Variants in SQLE observed in about 807,000 individuals in gnomAD.
The protein encoded by SQLE is squalene monooxygenase.
SQLE carries 29 observed loss-of-function variants against 60.7 expected under a neutral mutation model. The observed-to-expected ratio is 0.48, with a 90% CI of 0.36 to 0.65. The LOEUF is 0.65. Among genes scored for constraint, SQLE ranks in the 30% least tolerant of loss-of-function variants. The pLI is 0.00. For missense variants in SQLE, 605 were observed against 684.1 expected, an observed-to-expected ratio of 0.88 and a Z score of 1.29; for synonymous variants, 237 against 246.8, an observed-to-expected ratio of 0.96 and a Z score of 0.37.
intron 2 of SQLE, 150 bp from the exon 3 acceptor site, chr8:125,005,375 C>A: frequency 1.8e-6 from 1 of 565,858 alleles, no homozygotes; most frequent in Non-Finnish European, 2.8e-6. Flanking sequence ...GAAGCATTCA[C>A]AGTTTCTGAA....
Position 125,016,165 on chromosome 8 carries a change from TTC to T in SQLE, c.1205-1890_1205-1889del, listed in dbSNP as rs1815108907. On this transcript the variant is annotated intron_variant, in intron 7 of 10. Transcript: ENST00000265896. This position sits in a 1 kb window ranked among gnomAD's most constrained non-coding sequence, Gnocchi z 4.1. ...GATATCTTTCTCTAGATTTGGGAAG[TTC>T]TCTGTTATTTTTTCTTCAAATAAAC... Among the ~76,000 whole-genome samples the T allele has an allele frequency of 1.3e-5, 2 of 151,058 alleles. No individual in the cohort carries two copies. The highest frequency in any genetic ancestry group is 4.9e-5 in the African/African-American group (2 of 40,700).
Position 124,999,550 on chromosome 8 carries a change from A to G in SQLE, c.147A>G (p.Arg49=), listed in dbSNP as rs1814806817. 1 of 1,613,128 alleles carries G rather than the reference A, an allele frequency of 6.2e-7. No homozygotes were observed. Among genetic ancestry groups the G allele is most frequent in the African/African-American group, 1.3e-5 (1 of 74,886 alleles). The change falls in exon 1 of 11, where the codon CGA becomes CGG. Residue 49 remains arginine, a synonymous_variant. Transcript: ENST00000265896. ...GLVLSYRCRH[R]NGGLLGRQQS... is the part of the protein sequence containing the mutation. ...TGCTCTCCTACCGCTGTCGCCACCG[A>G]AACGGGGGTCTCCTCGGGCGCCAGC... is the stretch of plus-strand genomic sequence containing the variant.
chr8:125,011,819 T>C (rs1390862262), intron 7 of SQLE, among the ~76,000 whole-genome samples, 187 bp downstream of exon 7: 1 of 113,498 alleles, frequency 8.8e-6, no homozygotes, highest in African/African-American at 3.7e-5. Flanking sequence ...ACAAGTATTG[T>C]GCTAGTCAGG....
intron 3 of SQLE, 30 bp downstream of exon 3, chr8:125,005,735 C>A: frequency 1.3e-6 from 2 of 1,484,984 alleles, no homozygotes; most frequent in Non-Finnish European, 9.0e-7. Context: ...TATATAATTA[C>A]TAAAGAATCA....
rs185673426 is a variant in SQLE, at chr8:124,998,751, T to G, written c.-653T>G. 137 of 545,874 alleles carry G rather than the reference T, an allele frequency of 2.5e-4. No homozygotes were observed. The East Asian group carries it at 4.7e-3, about 19-fold the overall frequency. 33.8% of individuals were successfully genotyped at this position (545,874 alleles called of 1,614,324 possible). The stretch of plus-strand genomic sequence containing the variant: ...TCTAAATCTTTAGGTTGGGGCTGCA[T>G]TGCCCTGGAGCCGCACTCTTGAGTC... On this transcript the variant is annotated 5_prime_UTR_variant, in exon 1 of 11. Transcript: ENST00000265896.
rs1395527865 is a variant in SQLE, at chr8:124,999,535, C to T, written c.132C>T (p.Tyr44=). The T allele has an allele frequency of 1.9e-6, 3 of 1,612,926 alleles. No individual in the cohort carries two copies. The highest frequency in any genetic ancestry group is 3.3e-5 in the Admixed American group (2 of 59,794). The part of the protein sequence containing the change: ...VFLSLGLVLS[Y]RCRHRNGGLL... The stretch of plus-strand genomic sequence containing the variant: ...TCTCGCTGGGCCTGGTGCTCTCCTA[C>T]CGCTGTCGCCACCGAAACGGGGGTC... The change falls in exon 1 of 11, where the codon TAC becomes TAT. Residue 44 remains tyrosine, a synonymous_variant. Transcript: ENST00000265896.
chr8:125,018,194 T>C lies in SQLE; in HGVS notation c.1340T>C (p.Ile447Thr). Residue 447 changes from isoleucine (I) to threonine (T), a missense_variant, in exon 8 of 11, where the codon ATT becomes ACT. Coordinates refer to ENST00000265896, the MANE Select transcript of SQLE (RefSeq NM_003129.4). Reference sequence around the variant, plus strand: ...CCTGACCTTTATGATGATGCAGCTATTTTCGAGGTAAGATCAATTATTTTG... The same window carrying C: ...CCTGACCTTTATGATGATGCAGCTACTTTCGAGGTAAGATCAATTATTTTG... ...GIPDLYDDAAIFEAKKSFYWA... is the reference protein window; with the variant it reads ...GIPDLYDDAATFEAKKSFYWA... 1.2e-6 allele frequency: 2 copies of C among 1,607,050 alleles called. 1 individual carries two copies. The highest frequency in any genetic ancestry group is 2.2e-5 in the South Asian group (2 of 89,402).
At chr8:125,004,452 T>G (rs1243558382) in intron 2 of SQLE, among the ~76,000 whole-genome samples, 1 of 152,114 alleles carries the variant, frequency 6.6e-6, no homozygotes, top group South Asian at 2.1e-4. Context: ...TATTGTTATA[T>G]TTTCTAAAAT....
intron 6 of SQLE, among the ~76,000 whole-genome samples, chr8:125,009,876 A>G (rs948700664): frequency 6.6e-5 from 10 of 152,060 alleles, no homozygotes; most frequent in Admixed American, 2.6e-4. Flanking sequence ...CATATATGGT[A>G]TTTTTAAAGG....
intron 1 of SQLE, chr8:125,000,075 A>G (rs780063352): frequency 6.4e-6 from 3 of 466,316 alleles, no homozygotes; most frequent in Non-Finnish European, 1.3e-5. Context: ...GCTGCGGGTA[A>G]GTCCACTGCT....
intron 4 of SQLE, 106 bp from the exon 5 acceptor site, chr8:125,008,865 C>G (rs942563121): frequency 8.2e-6 from 6 of 730,332 alleles, no homozygotes; most frequent in African/African-American, 1.8e-5. Context: ...CTCTATAATG[C>G]TATCTGATAA....
intron 6 of SQLE, 81 bp from the exon 7 acceptor site, chr8:125,011,456 T>C: frequency 1.7e-6 from 2 of 1,160,452 alleles, no homozygotes; most frequent in South Asian, 2.8e-5. Flanking sequence ...GGCATTTGTT[T>C]ATACTTGATA....
chr8:125,018,323 G>C, intron 8 of SQLE, 122 bp downstream of exon 8: 1 of 1,023,256 alleles, frequency 9.8e-7, no homozygotes, highest in Non-Finnish European at 1.4e-6. Flanking sequence ...TAGCTCTTAG[G>C]CATCTTGCTT....
intron 6 of SQLE, among the ~76,000 whole-genome samples, chr8:125,010,112 C>T (rs945421072): frequency 2.6e-5 from 4 of 152,154 alleles, no homozygotes; most frequent in African/African-American, 9.7e-5. Flanking sequence ...TTAGTTAGCT[C>T]CTCCAAGTAT....
Position 125,003,254 on chromosome 8 carries a change from C to T in SQLE, c.370C>T (p.Pro124Ser), listed in dbSNP as rs1463539804. ...ACTSTSSQND[P>S]EVIIVGAGVL... ...TACATCAACATCTTCTCAGAATGAC[C>T]CAGAAGTTATCATCGTGGGAGCTGG... The change falls in exon 2 of 11, where the codon CCA becomes TCA. Residue 124 changes from proline (P) to serine (S), a missense_variant. Coordinates refer to ENST00000265896, the MANE Select transcript of SQLE (RefSeq NM_003129.4). 6.2e-7 allele frequency: 1 copy of T among 1,613,648 alleles called. No homozygotes were observed. Among genetic ancestry groups the T allele is most frequent in the Non-Finnish European group, 8.5e-7 (1 of 1,179,864 alleles).
intron 4 of SQLE, among the ~76,000 whole-genome samples, chr8:125,008,737 A>G (rs1002354978): frequency 1.4e-4 from 21 of 152,170 alleles, no homozygotes; most frequent in Admixed American, 4.6e-4. Context: ...GATGGTTTGC[A>G]TGGGAGGGCT....
At chr8:125,009,598 C>G (rs963767830) in intron 6 of SQLE, among the ~76,000 whole-genome samples, 4 of 152,048 alleles carry the variant, frequency 2.6e-5, no homozygotes, top group Admixed American at 6.5e-5. Context: ...GAGTTCAAGA[C>G]CAGCCTGACC....
intron 1 of SQLE, chr8:125,000,106 T>C (rs1399415038): frequency 4.4e-6 from 2 of 455,674 alleles, no homozygotes; most frequent in Admixed American, 4.9e-5. Context: ...GACAGCTGAC[T>C]GGGGAAAGTG....
At chr8:125,001,937 A>G (rs1001653907) in intron 1 of SQLE, among the ~76,000 whole-genome samples, 1 of 152,164 alleles carries the variant, frequency 6.6e-6, no homozygotes, top group Non-Finnish European at 1.5e-5. Flanking sequence ...AAGAAGAAAT[A>G]CTACAAAATT....
Sources: allele counts gnomAD v4.1 joint callset (sites outside exome capture counted in the v4.1 genomes callset), GRCh38; gene constraint gnomAD v4.1.1; non-coding constraint Gnocchi (gnomAD v3.1); transcripts MANE v1.5; gene names NCBI Gene and HGNC (gene_info 2026-07-23, HGNC 2026-07-21).